Variants in CHRNA7 observed in about 807,000 individuals in gnomAD.
The protein encoded by CHRNA7 is neuronal acetylcholine receptor subunit alpha-7.
CHRNA7 carries 17 observed loss-of-function variants against 48.0 expected under a neutral mutation model. The observed-to-expected ratio is 0.35, with a 90% CI of 0.24 to 0.53. CHRNA7 has a LOEUF of 0.53. Ranked by LOEUF, CHRNA7 falls within the 20% of genes least tolerant of loss-of-function variation. The pLI is 0.92. For synonymous variants in CHRNA7, 75 were observed against 242.3 expected, an observed-to-expected ratio of 0.31 and a Z score of 6.41; for missense variants, 155 against 577.7, an observed-to-expected ratio of 0.27 and a Z score of 7.50.
intron 4 of CHRNA7, among the ~76,000 whole-genome samples, chr15:32,128,436 A>G (rs977959310): frequency 6.6e-6 from 1 of 151,674 alleles, no homozygotes; most frequent in Non-Finnish European, 1.5e-5. Context: ...TCTTATTTCA[A>G]TCTTCTATGA....
At chr15:32,112,496 G>C in intron 4 of CHRNA7, 2 of 364,356 alleles carry the variant, frequency 5.5e-6, no homozygotes, top group Non-Finnish European at 1.1e-5. Context: ...AGTCTGACTT[G>C]CAGACCAGAT....
At chr15:32,082,070 G>C (rs1180938806) in intron 2 of CHRNA7, among the ~76,000 whole-genome samples, 1 of 151,838 alleles carries the variant, frequency 6.6e-6, no homozygotes. Flanking sequence ...ATAATACTTT[G>C]TCATTTGAAT....
chr15:32,149,410 G>A lies in CHRNA7; in HGVS notation c.351-4497G>A, dbSNP rs1019074896. Reference sequence around the variant, plus strand: ...GCTGTGGCCACTGAGGTCCTCATAGGGGTTCTGGCCACTCACATTTCCGAG... The same window carrying A: ...GCTGTGGCCACTGAGGTCCTCATAGAGGTTCTGGCCACTCACATTTCCGAG... On this transcript the variant is annotated intron_variant, in intron 4 of 9. Transcript: ENST00000306901. The surrounding 1 kb of genome is among the most constrained non-coding windows in gnomAD (Gnocchi z 4.6). Among the ~76,000 whole-genome samples the A allele has an allele frequency of 1.3e-5, 2 of 152,102 alleles. No individual in the cohort carries two copies. The highest frequency in any genetic ancestry group is 2.9e-5 in the Non-Finnish European group (2 of 68,020).
At chr15:32,150,486 C>G (rs1463528343) in intron 4 of CHRNA7, among the ~76,000 whole-genome samples, 2 of 152,172 alleles carry the variant, frequency 1.3e-5, no homozygotes, top group African/African-American at 2.4e-5. Context: ...CAATGCAAAG[C>G]TGAAATCTCA....
At chr15:32,093,273 T>C (rs1275740185) in intron 2 of CHRNA7, among the ~76,000 whole-genome samples, 1 of 152,196 alleles carries the variant, frequency 6.6e-6, no homozygotes, top group East Asian at 1.9e-4. Flanking sequence ...GGGTCTGCTC[T>C]CATGATCCAC....
chr15:32,147,471 T>C (rs1242109326), intron 4 of CHRNA7, among the ~76,000 whole-genome samples: 1 of 152,252 alleles, frequency 6.6e-6, no homozygotes, highest in Non-Finnish European at 1.5e-5. Flanking sequence ...GCGGATGGCT[T>C]GAGCCCAAGA....
chr15:32,060,075 T>A (rs1185476585), intron 2 of CHRNA7, among the ~76,000 whole-genome samples: 5 of 148,216 alleles, frequency 3.4e-5, no homozygotes, highest in Non-Finnish European at 7.4e-5. Context: ...AAAATCAAAC[T>A]CTAAGCAGAA....
chr15:32,108,916 T>G (rs1046326624), intron 3 of CHRNA7, among the ~76,000 whole-genome samples: 4 of 152,202 alleles, frequency 2.6e-5, no homozygotes, highest in African/African-American at 7.2e-5. Context: ...GCCGCTAGTC[T>G]CTGCCAGACC....
chr15:32,124,847 T>C (rs1398037831), intron 4 of CHRNA7, among the ~76,000 whole-genome samples: 1 of 152,202 alleles, frequency 6.6e-6, no homozygotes, highest in Non-Finnish European at 1.5e-5. Context: ...CACAAGGGCT[T>C]TCTTCCTGTC....
intron 4 of CHRNA7, among the ~76,000 whole-genome samples, chr15:32,146,724 A>G (rs1402062664): frequency 6.6e-6 from 1 of 152,240 alleles, no homozygotes; most frequent in Non-Finnish European, 1.5e-5. Context: ...GGAAAACTCA[A>G]TACCAGATGC....
At chr15:32,057,803 G>C (rs4779973) in intron 2 of CHRNA7, among the ~76,000 whole-genome samples, 132,102 of 152,182 alleles carry the variant, frequency 0.87, 58,321 homozygotes, top group South Asian at 0.95. Context: ...GATAAAAATG[G>C]ACAACGTCCA....
At chr15:32,037,571 C>A (rs1256104692) in intron 2 of CHRNA7, among the ~76,000 whole-genome samples, 2 of 152,096 alleles carry the variant, frequency 1.3e-5, no homozygotes, top group Admixed American at 1.3e-4. Flanking sequence ...TTAGTTAGTT[C>A]TTCCTTTATT....
At chr15:32,166,660 A>G (rs2052171150) in intron 9 of CHRNA7, 1 of 149,348 alleles carries the variant, frequency 6.7e-6, no homozygotes, top group South Asian at 2.1e-4. Flanking sequence ...AAATCATAAA[A>G]CAAAATGTAA....
chr15:32,111,982 A>C, intron 4 of CHRNA7, 83 bp downstream of exon 4: 1 of 889,090 alleles, frequency 1.1e-6, no homozygotes, highest in African/African-American at 1.6e-5. Flanking sequence ...TTTCACAGAG[A>C]TGCTGGATAT....
intron 4 of CHRNA7, among the ~76,000 whole-genome samples, chr15:32,153,052 G>A (rs973032477): frequency 3.3e-5 from 5 of 151,990 alleles, no homozygotes; most frequent in Non-Finnish European, 7.4e-5. Context: ...TCTTTTCATC[G>A]CTAACTGTGG....
intron 2 of CHRNA7, among the ~76,000 whole-genome samples, chr15:32,065,526 C>T (rs989710517): frequency 4.6e-5 from 7 of 152,190 alleles, no homozygotes; most frequent in Admixed American, 1.3e-4. Context: ...AGATAATAAG[C>T]TATAAAAAGA....
intron 2 of CHRNA7, among the ~76,000 whole-genome samples, chr15:32,035,760 G>C (rs8028107): frequency 6.6e-6 from 1 of 152,102 alleles, no homozygotes; most frequent in Non-Finnish European, 1.5e-5. Context: ...GTATAATCAG[G>C]TATTGATCTT....
chr15:32,168,522 TTGGGGG>T lies in CHRNA7; in HGVS notation c.*67_*72del. On this transcript the variant is annotated 3_prime_UTR_variant, in exon 10 of 10. Coordinates refer to ENST00000306901, the MANE Select transcript of CHRNA7 (RefSeq NM_000746.6). ...GGCAAGGCCTTTGGCTTGGCGAGAT[TTGGGGG>T]TGCTAATCCAGGACAGCATTACACG... 1 of 430,148 alleles carries T rather than the reference TTGGGGG, an allele frequency of 2.3e-6. No homozygotes were observed. 26.6% of individuals were successfully genotyped at this position (430,148 alleles called of 1,614,324 possible). A position where few individuals can be genotyped will look rare whatever the true frequency, so the allele number is the denominator to read the frequency against.
chr15:32,059,496 TA>T (rs1471518862), intron 2 of CHRNA7, among the ~76,000 whole-genome samples: 1 of 152,156 alleles, frequency 6.6e-6, no homozygotes, highest in Non-Finnish European at 1.5e-5. Flanking sequence ...CTGTGATCCT[TA>T]ATCATTTCTT....
Sources: gnomAD v4.1 joint callset for allele counts (sites outside exome capture counted in the v4.1 genomes callset) on GRCh38, gnomAD v4.1.1 for gene constraint, Gnocchi (gnomAD v3.1) non-coding constraint, MANE v1.5 for transcripts, NCBI Gene and HGNC (gene_info 2026-07-23, HGNC 2026-07-21) for gene names.